SLC3A2: variants seen among roughly 807,000 people sequenced by gnomAD.
SLC3A2 encodes the protein amino acid transporter heavy chain SLC3A2.
SLC3A2 carries 32 observed loss-of-function variants against 48.5 expected under a neutral mutation model. That is an observed-to-expected ratio of 0.66 (90% CI 0.50 to 0.89). The LOEUF (loss-of-function observed/expected upper bound fraction) is 0.89, where lower values mean the gene tolerates loss of function less well. SLC3A2 is among the 40% of genes least tolerant of loss of function. The pLI is 0.00. For synonymous variants in SLC3A2, 277 were observed against 288.8 expected (o/e 0.96, Z 0.41); for missense variants, 587 against 680.7 (o/e 0.86, Z 1.53).
intron 1 of SLC3A2, among the ~76,000 whole-genome samples, chr11:62,865,397 A>C (rs904773498): frequency 6.6e-6 from 1 of 152,030 alleles, no homozygotes; most frequent in Non-Finnish European, 1.5e-5. Flanking sequence ...TACTAAAAAT[A>C]CAAAAATTAG....
At chr11:62,865,998 G>A (rs951334937) in intron 1 of SLC3A2, among the ~76,000 whole-genome samples, 16 of 152,048 alleles carry the variant, frequency 1.1e-4, no homozygotes, top group African/African-American at 3.9e-4. Flanking sequence ...GATGTCACCA[G>A]TATATTCTTG....
At position 62,881,785 on chromosome 11, in the gene SLC3A2, CCCCTTTGCCCCCTCCCCGTCCCA is replaced by C; in HGVS notation, c.425-102_425-80del. On this transcript the variant is annotated intron_variant, in intron 1 of 8. Transcript: ENST00000338663. The surrounding 1 kb of genome is among the most constrained non-coding windows in gnomAD (Gnocchi z 4.0). ...TGATTCAGCCTTGCCTCCCTCTCTC[CCCCTTTGCCCCCTCCCCGTCCCA>C]CCCTTAGGCGCTGGGAGAAGGGAGG... is the stretch of plus-strand genomic sequence containing the variant. 7.8e-7 allele frequency: 1 copy of C among 1,277,540 alleles called. No individual in the cohort carries two copies. Among genetic ancestry groups the C allele is most frequent in the Non-Finnish European group, 1.1e-6 (1 of 915,870 alleles). 79.1% of individuals were successfully genotyped at this position (1,277,540 alleles called of 1,614,324 possible).
At chr11:62,886,725 G>A (rs978592868) in intron 7 of SLC3A2, among the ~76,000 whole-genome samples, 1 of 149,072 alleles carries the variant, frequency 6.7e-6, no homozygotes, top group African/African-American at 2.4e-5. Flanking sequence ...AAGTAGCTGG[G>A]AATACAGGTG....
intron 1 of SLC3A2, chr11:62,856,418 C>T: frequency 3.9e-6 from 6 of 1,552,360 alleles, no homozygotes; most frequent in Non-Finnish European, 5.3e-6. Flanking sequence ...AGGAGGTCCC[C>T]TTTGGTGGGG....
At chr11:62,860,682 G>A (rs1049587284) in intron 1 of SLC3A2, among the ~76,000 whole-genome samples, 1 of 151,992 alleles carries the variant, frequency 6.6e-6, no homozygotes. Flanking sequence ...TCTGGGGGAC[G>A]GTCAGGTCTT....
At chr11:62,872,062 A>ACCG (rs2085523241) in intron 1 of SLC3A2, among the ~76,000 whole-genome samples, 1 of 151,962 alleles carries the variant, frequency 6.6e-6, no homozygotes, top group South Asian at 2.1e-4. Flanking sequence ...ACAGGCACAC[A>ACCG]CCGCCACGCC....
At chr11:62,863,031 C>G (rs367997930) in intron 1 of SLC3A2, among the ~76,000 whole-genome samples, 5 of 152,184 alleles carry the variant, frequency 3.3e-5, no homozygotes, top group African/African-American at 1.2e-4. Context: ...AAGCGATTCT[C>G]TTGCCTCAGC....
intron 1 of SLC3A2, among the ~76,000 whole-genome samples, chr11:62,866,587 G>T (rs758915059): frequency 6.6e-6 from 1 of 151,986 alleles, no homozygotes; most frequent in Non-Finnish European, 1.5e-5. Flanking sequence ...ATAGAGATGG[G>T]CCTTCACCAT....
intron 1 of SLC3A2, among the ~76,000 whole-genome samples, chr11:62,858,570 C>T (rs1479900310): frequency 7.3e-5 from 11 of 151,398 alleles, no homozygotes; most frequent in Non-Finnish European, 1.5e-4. Context: ...TAAGGTGGAA[C>T]GAGAGACTTA....
chr11:62,876,125 A>C (rs1311277324), upstream of SLC3A2, among the ~76,000 whole-genome samples: 1 of 152,206 alleles, frequency 6.6e-6, no homozygotes, highest in East Asian at 1.9e-4. Flanking sequence ...TTAGCTTCCC[A>C]GAGCGCTGGG....
rs1216444492 is a variant in SLC3A2, at chr11:62,881,458, C to T, written c.424+11C>T. 2.6e-6 allele frequency: 4 copies of T among 1,567,472 alleles called. No individual in the cohort carries two copies. Among genetic ancestry groups the T allele is most frequent in the African/African-American group, 2.7e-5 (2 of 74,084 alleles). ...CGGGCAACCTGGCGGGTGAGTGCAG[C>T]GCGCCCCCGTCCCGGGTACCTCCGG... is the stretch of plus-strand genomic sequence containing the variant. On this transcript the variant is annotated intron_variant, in intron 1 of 8. Coordinates refer to ENST00000338663, the MANE Select transcript of SLC3A2 (RefSeq NM_001013251.3). The surrounding 1 kb of genome is among the most constrained non-coding windows in gnomAD (Gnocchi z 4.0).
At chr11:62,883,259 C>T (rs760892087) in intron 3 of SLC3A2, 2 of 435,106 alleles carry the variant, frequency 4.6e-6, no homozygotes, top group African/African-American at 2.0e-5. Context: ...TCTCAGAAGT[C>T]AGTCTGGAAG....
chr11:62,881,484 TTGAATC>T lies in SLC3A2; in HGVS notation c.424+40_424+45del. The T allele has an allele frequency of 6.5e-7, 1 of 1,532,104 alleles. No homozygotes were observed. The highest frequency in any genetic ancestry group is 8.7e-7 in the Non-Finnish European group (1 of 1,146,600). The allele number at this position is 1,532,104 out of a possible 1,614,324, so 94.9% of individuals were successfully genotyped here. On this transcript the variant is annotated intron_variant, in intron 1 of 8. Coordinates refer to ENST00000338663, the MANE Select transcript of SLC3A2 (RefSeq NM_001013251.3). This position sits in a 1 kb window ranked among gnomAD's most constrained non-coding sequence, Gnocchi z 4.0. ...GCGCCCCCGTCCCGGGTACCTCCGG[TTGAATC>T]TGGTGGCTTGCACCGACCCCCTCCC...
intron 7 of SLC3A2, 27 bp from the exon 8 acceptor site, chr11:62,888,108 T>A: frequency 1.2e-6 from 2 of 1,601,486 alleles, no homozygotes; most frequent in Non-Finnish European, 1.7e-6. Context: ...CAGGCCTTTT[T>A]AAAGTCCTAT....
intron 1 of SLC3A2, among the ~76,000 whole-genome samples, chr11:62,860,418 T>C (rs575304791): frequency 6.8e-6 from 1 of 147,746 alleles, no homozygotes; most frequent in Non-Finnish European, 1.5e-5. Context: ...GGCAGGAGAA[T>C]GGTGTGAAAC....
In SLC3A2 at chr11:62,881,100, C is replaced by A; in HGVS notation, c.77C>A (p.Ala26Glu). Residue 26 changes from alanine (A) to glutamate (E), a missense_variant, in exon 1 of 9, where the codon GCG (alanine) becomes GAG (glutamate). Physicochemically the swap from Ala to Glu is moderately radical, Grantham distance 107. Transcript: ENST00000338663. The surrounding 1 kb of genome is among the most constrained non-coding windows in gnomAD (Gnocchi z 4.0). ...GAGCCCGAGAAGCAGCCGATGAACG[C>A]GGCGTCTGGGGCGGCCATGTCCCTG... The part of the protein sequence containing the change: ...ELEPEKQPMN[A>E]ASGAAMSLAG... The A allele has an allele frequency of 6.2e-7, 1 of 1,608,968 alleles. No individual in the cohort carries two copies. Among genetic ancestry groups the A allele is most frequent in the South Asian group, 1.1e-5 (1 of 89,952 alleles).
At chr11:62,883,859 G>A (rs1176186218) in intron 3 of SLC3A2, 3 of 409,552 alleles carry the variant, frequency 7.3e-6, no homozygotes, top group African/African-American at 6.1e-5. Flanking sequence ...GTGTGTGCAG[G>A]ACTGCCAGGA....
At chr11:62,872,869 T>C (rs1034832097) in intron 1 of SLC3A2, among the ~76,000 whole-genome samples, 1 of 152,240 alleles carries the variant, frequency 6.6e-6, no homozygotes, top group African/African-American at 2.4e-5. Flanking sequence ...CCCAAAGTGT[T>C]GGGATTACAG....
rs763481889 is a variant in SLC3A2 at position 62,885,616 on chromosome 11, T to C, written c.1143+8T>C. 8 of 1,613,894 alleles carry C rather than the reference T, an allele frequency of 5.0e-6. No homozygotes were observed. Among genetic ancestry groups the C allele is most frequent in the Non-Finnish European group, 5.9e-6 (7 of 1,179,842 alleles). Reference sequence around the variant, plus strand: ...GCTGCCCTTCCTGGACAGGTACTGCTTGCTGTCTTTCTGTCACAGGGAGGT... The same window carrying C: ...GCTGCCCTTCCTGGACAGGTACTGCCTGCTGTCTTTCTGTCACAGGGAGGT... On this transcript the variant is annotated splice_region_variant and intron_variant, in intron 7 of 8. Transcript: ENST00000338663.
Sources: allele counts gnomAD v4.1 joint callset (sites outside exome capture counted in the v4.1 genomes callset), GRCh38; gene constraint gnomAD v4.1.1; non-coding constraint Gnocchi (gnomAD v3.1); transcripts MANE v1.5; gene names NCBI Gene and HGNC (gene_info 2026-07-23, HGNC 2026-07-21).